Variants in ACSS3 observed in about 807,000 individuals in gnomAD.
The protein encoded by ACSS3 is acyl-CoA synthetase short chain family member 3.
In ACSS3, 64 loss-of-function variants were observed where a neutral mutation model predicts 84.2. The ratio of observed to expected loss-of-function variants is 0.76; its 90% CI spans 0.62 to 0.94. The LOEUF is 0.94. Ranked by LOEUF, ACSS3 falls within the 40% of genes least tolerant of loss-of-function variation. ACSS3 has a pLI of 0.00. For missense variants in ACSS3, 815 were observed against 867.6 expected (o/e 0.94, Z 0.76); for synonymous variants, 317 against 310.1 (o/e 1.02, Z -0.23).
chr12:81,247,440 G>A (rs1046221436), intron 13 of ACSS3, among the ~76,000 whole-genome samples: 2 of 152,050 alleles, frequency 1.3e-5, no homozygotes, highest in Non-Finnish European at 2.9e-5. Context: ...GAATGAGATA[G>A]GCAGAAAATA....
At chr12:81,176,346 A>T in intron 8 of ACSS3, among the ~76,000 whole-genome samples, 1 of 152,168 alleles carries the variant, frequency 6.6e-6, no homozygotes, top group East Asian at 1.9e-4. Flanking sequence ...TGGAAGGCCG[A>T]GGCAGGTGGA....
intron 7 of ACSS3, among the ~76,000 whole-genome samples, chr12:81,159,811 A>G (rs973589334): frequency 6.6e-6 from 1 of 152,228 alleles, no homozygotes; most frequent in Non-Finnish European, 1.5e-5. Context: ...GCAAATGGTG[A>G]TTATACAGAG....
At chr12:81,225,337 A>G (rs549793913) in intron 11 of ACSS3, among the ~76,000 whole-genome samples, 3 of 152,020 alleles carry the variant, frequency 2.0e-5, no homozygotes, top group South Asian at 4.1e-4. Flanking sequence ...AAGATACCAC[A>G]TCTTGTTAGT....
chr12:81,242,314 G>T (rs1346748321), intron 13 of ACSS3, among the ~76,000 whole-genome samples: 13 of 152,156 alleles, frequency 8.5e-5, no homozygotes, highest in African/African-American at 2.7e-4. Context: ...CCAGGAAGAA[G>T]TTGAATCTCT....
chr12:81,207,358 A>G lies in ACSS3; in HGVS notation c.1354+7914A>G, dbSNP rs138712395. Among the ~76,000 whole-genome samples, 140 of 152,272 alleles carry G rather than the reference A, an allele frequency of 9.2e-4. 4 individuals are homozygous for G. In the East Asian group the frequency reaches 0.025, roughly 28 times the overall value. On this transcript the variant is annotated intron_variant, in intron 9 of 15. Coordinates refer to ENST00000548058, the MANE Select transcript of ACSS3 (RefSeq NM_024560.4). ...TTAATTTGGAAAACAGCAGGTGGCT[A>G]TTCTCCTTGGAGAAACAATGTGGGT...
At chr12:81,142,962 CT>C (rs1186110629) in intron 4 of ACSS3, 144 bp from the exon 5 acceptor site, 2 of 742,424 alleles carry the variant, frequency 2.7e-6, no homozygotes, top group African/African-American at 3.6e-5. Flanking sequence ...TGAACTTGAA[CT>C]TTTTAGTCAT....
intron 1 of ACSS3, among the ~76,000 whole-genome samples, chr12:81,093,044 A>T (rs1435302348): frequency 6.6e-6 from 1 of 152,062 alleles, no homozygotes; most frequent in Non-Finnish European, 1.5e-5. Context: ...TATAGGTTGG[A>T]CATTAGATGG....
At chr12:81,135,406 C>A (rs1244891882) in intron 3 of ACSS3, among the ~76,000 whole-genome samples, 6 of 134,886 alleles carry the variant, frequency 4.4e-5, no homozygotes, top group Admixed American at 1.5e-4. Context: ...TACTTAAATA[C>A]ATATAATAAT....
chr12:81,086,239 A>G (rs1881302302), intron 1 of ACSS3, among the ~76,000 whole-genome samples: 1 of 148,930 alleles, frequency 6.7e-6, no homozygotes, highest in Non-Finnish European at 1.5e-5. Context: ...AGCGTTGTAC[A>G]CAGTAAAGGT....
chr12:81,131,901 T>C (rs1259269510), intron 2 of ACSS3, among the ~76,000 whole-genome samples: 1 of 152,196 alleles, frequency 6.6e-6, no homozygotes, highest in East Asian at 1.9e-4. Flanking sequence ...GTTTTTGTCT[T>C]TGGTTCTGTT....
In ACSS3 at chr12:81,253,345, T is replaced by G; in HGVS notation, c.1758T>G (p.Val586=). ...ATGGTACCGTGGCAGACTGTGCTGT[T>G]GTTGGCAAGGAAGATCCCTTAAAAG... is the stretch of plus-strand genomic sequence containing the variant. ...LSHGTVADCA[V]VGKEDPLKGH... is the part of the protein sequence containing the mutation. The change falls in exon 14 of 16, where the codon GTT becomes GTG. Residue 586 remains valine, a synonymous_variant. Transcript: ENST00000548058. The G allele has an allele frequency of 6.2e-7, 1 of 1,613,996 alleles. No individual in the cohort carries two copies. The highest frequency in any genetic ancestry group is 8.5e-7 in the Non-Finnish European group (1 of 1,179,890).
chr12:81,099,009 A>G (rs1464656979), intron 1 of ACSS3, among the ~76,000 whole-genome samples: 3 of 152,224 alleles, frequency 2.0e-5, no homozygotes, highest in Non-Finnish European at 4.4e-5. Context: ...CAATCAATAG[A>G]AAATTATTAT....
chr12:81,180,351 A>G (rs2030841886), intron 8 of ACSS3, among the ~76,000 whole-genome samples: 1 of 152,218 alleles, frequency 6.6e-6, no homozygotes, highest in Admixed American at 6.5e-5. Flanking sequence ...TGCACATGTG[A>G]CCCCTGAACC....
Position 81,260,705 on chromosome 12 carries a change from A to G in ACSS3, c.*5783A>G, listed in dbSNP as rs982533467. 1 of 152,220 alleles carries G rather than the reference A, an allele frequency of 6.6e-6. No homozygotes were observed. Among genetic ancestry groups the G allele is most frequent in the Non-Finnish European group, 1.5e-5 (1 of 68,036 alleles). 9.4% of individuals were successfully genotyped at this position (152,220 alleles called of 1,614,324 possible). A position where few individuals can be genotyped will look rare whatever the true frequency, so the allele number is the denominator to read the frequency against. The stretch of plus-strand genomic sequence containing the variant: ...CTCCCATCCTAAGCCCAAAAGACCA[A>G]CAATAAATTGTGTGGCACTTTTAGT... On this transcript the variant is annotated 3_prime_UTR_variant, in exon 16 of 16. Transcript: ENST00000548058.
intron 4 of ACSS3, among the ~76,000 whole-genome samples, chr12:81,140,339 A>G (rs1325739430): frequency 6.6e-6 from 1 of 152,212 alleles, no homozygotes; most frequent in Non-Finnish European, 1.5e-5. Flanking sequence ...TTCTTCACCC[A>G]AGCAAATCTC....
At chr12:81,237,009 A>T (rs971595027) in intron 13 of ACSS3, among the ~76,000 whole-genome samples, 1 of 151,486 alleles carries the variant, frequency 6.6e-6, no homozygotes, top group African/African-American at 2.4e-5. Flanking sequence ...AAAGGGAGGG[A>T]GGCAGCCGTC....
At chr12:81,107,473 C>T (rs1310361460) in intron 1 of ACSS3, among the ~76,000 whole-genome samples, 2 of 109,320 alleles carry the variant, frequency 1.8e-5, no homozygotes, top group African/African-American at 6.3e-5. Flanking sequence ...AATAGTTTCC[C>T]TGCCAGAAAT....
chr12:81,214,251 C>G (rs1160519905), intron 9 of ACSS3, among the ~76,000 whole-genome samples: 1 of 151,954 alleles, frequency 6.6e-6, no homozygotes, highest in African/African-American at 2.4e-5. Context: ...GTCCCAAACT[C>G]ATGACCTCTG....
intron 9 of ACSS3, among the ~76,000 whole-genome samples, chr12:81,200,713 A>C (rs534917653): frequency 1.3e-5 from 2 of 152,162 alleles, no homozygotes; most frequent in Admixed American, 1.3e-4. Flanking sequence ...CAGCCTGGCC[A>C]ACATGGTGAA....
Sources: gnomAD v4.1 joint callset for allele counts (sites outside exome capture counted in the v4.1 genomes callset) on GRCh38, gnomAD v4.1.1 for gene constraint, MANE v1.5 for transcripts, NCBI Gene and HGNC (gene_info 2026-07-23, HGNC 2026-07-21) for gene names.